Variants in TTI2 observed in about 807,000 individuals in gnomAD.
TTI2 encodes TELO2-interacting protein 2.
TTI2 carries 26 observed loss-of-function variants against 44.9 expected under a neutral mutation model. The ratio of observed to expected loss-of-function variants is 0.58; its 90% confidence interval spans 0.42 to 0.80. The LOEUF (loss-of-function observed/expected upper bound fraction) is 0.80, where lower values mean the gene tolerates loss of function less well. Among genes scored for constraint, TTI2 ranks in the 30% least tolerant of loss-of-function variants. The pLI, the probability that TTI2 is intolerant of heterozygous loss-of-function variation, is 0.00. For synonymous variants in TTI2, 254 were observed against 250.9 expected (o/e 1.01, Z -0.12); for missense variants, 582 against 611.6 (o/e 0.95, Z 0.51).
chr8:33,503,107 C>G (rs1163271682), intron 6 of TTI2, among the ~76,000 whole-genome samples: 1 of 138,314 alleles, frequency 7.2e-6, no homozygotes, highest in African/African-American at 2.8e-5. Context: ...CCAGCCTGGG[C>G]GACAGTGTGA....
At chr8:33,508,899 T>C (rs1809404348) in intron 3 of TTI2, among the ~76,000 whole-genome samples, 1 of 151,948 alleles carries the variant, frequency 6.6e-6, no homozygotes. Context: ...CCCAGCACTA[T>C]GGGAGCCCAA....
At position 33,499,136 on chromosome 8, in the gene TTI2, A is replaced by G. The variant is rs1355252685; in HGVS notation, c.*37T>C. 1 of 1,523,086 alleles carries G rather than the reference A, an allele frequency of 6.6e-7. No homozygotes were observed. Among genetic ancestry groups the G allele is most frequent in the Admixed American group, 1.7e-5 (1 of 59,786 alleles). The allele number at this position is 1,523,086 out of a possible 1,614,324, so 94.3% of individuals were successfully genotyped here. ...CTCCATTCATACAAATTGGGATGGGAAGAAAATCCTTTCCTCTTGGGAAAG... is the reference window on the plus strand; with the variant it reads ...CTCCATTCATACAAATTGGGATGGGGAGAAAATCCTTTCCTCTTGGGAAAG... On this transcript the variant is annotated 3_prime_UTR_variant, in exon 8 of 8. Transcript: ENST00000431156.
Position 33,512,649 on chromosome 8 carries a change from C to A in TTI2, c.-36G>T. 1 of 1,607,998 alleles carries A rather than the reference C, an allele frequency of 6.2e-7. No individual in the cohort carries two copies. The highest frequency in any genetic ancestry group is 8.5e-7 in the Non-Finnish European group (1 of 1,179,612). On this transcript the variant is annotated 5_prime_UTR_variant, in exon 2 of 8. Transcript: ENST00000431156. ...AGCACCAGAAGGCTGGTCTCTCCCA[C>A]AGAACGAGGATGGAGGCGGGGAGGG...
intron 6 of TTI2, chr8:33,501,295 A>G (rs149327382): frequency 2.0e-5 from 3 of 152,104 alleles, no homozygotes; most frequent in East Asian, 3.8e-4. Context: ...TTTCATCTCT[A>G]TCTAAATACT....
At position 33,512,252 on chromosome 8, in the gene TTI2, A is replaced by G. The variant is rs757689349; in HGVS notation, c.362T>C (p.Leu121Pro). 1 of 1,614,072 alleles carries G rather than the reference A, an allele frequency of 6.2e-7. No homozygotes were observed. Among genetic ancestry groups the G allele is most frequent in the Non-Finnish European group, 8.5e-7 (1 of 1,180,042 alleles). Reference sequence around the variant, plus strand: ...AGTCTCAACTTTCCCTAACAGTTTAAGAAACAGTAACCCAACTTGGGCTGC... The same window carrying G: ...AGTCTCAACTTTCCCTAACAGTTTAGGAAACAGTAACCCAACTTGGGCTGC... ...EKAAQVGLLF[L>P]KLLGKVETAK... is the part of the protein sequence containing the mutation. The change falls in exon 2 of 8, where the codon CTT (leucine) becomes CCT (proline). Residue 121 changes from leucine to proline, a missense_variant. Leu to Pro is a moderately conservative substitution (Grantham distance 98, BLOSUM62 -3). Coordinates refer to ENST00000431156, the MANE Select transcript of TTI2 (RefSeq NM_001102401.4).
At chr8:33,504,419 C>T (rs916247003) in intron 4 of TTI2, among the ~76,000 whole-genome samples, 27 of 150,124 alleles carry the variant, frequency 1.8e-4, no homozygotes, top group Non-Finnish European at 3.7e-4. Flanking sequence ...GCCTCAGCCA[C>T]CTAACTAGTT....
chr8:33,500,834 T>C, intron 6 of TTI2: 2 of 225,936 alleles, frequency 8.9e-6, no homozygotes, highest in South Asian at 1.3e-4. Flanking sequence ...TTTTCAACTC[T>C]ATTAACTGAA....
intron 5 of TTI2, 23 bp downstream of exon 5, chr8:33,503,725 T>C: frequency 1.2e-6 from 2 of 1,611,698 alleles, no homozygotes; most frequent in South Asian, 2.2e-5. Context: ...AAAATAATAA[T>C]AAATAAAAGC....
At chr8:33,509,979 C>CAAAAAAAAAA in intron 2 of TTI2, 47 bp from the exon 3 acceptor site, 9 of 416,694 alleles carry the variant, frequency 2.2e-5, no homozygotes, top group East Asian at 4.9e-5. Flanking sequence ...TGATAAGTAG[C>CAAAAAAAAAA]AAAAAAAAAA....
Position 33,503,542 on chromosome 8 carries a change from C to G in TTI2, c.1146G>C (p.Lys382Asn). ...AACCAATGATGACTCTCTCCAGCCT[C>G]TTTAAGTGCCGGACAGTTAGGATCC... ...RLGILTVRHL[K>N]RLERVIIGYL... Residue 382 changes from lysine (K) to asparagine (N), a missense_variant, in exon 6 of 8, where the codon AAG becomes AAC. Transcript: ENST00000431156. 6.2e-7 allele frequency: 1 copy of G among 1,614,072 alleles called. No individual in the cohort carries two copies. The highest frequency in any genetic ancestry group is 8.5e-7 in the Non-Finnish European group (1 of 1,180,032).
At chr8:33,499,523 A>C in intron 7 of TTI2, 1 of 404,758 alleles carries the variant, frequency 2.5e-6, no homozygotes, top group Non-Finnish European at 4.5e-6. Flanking sequence ...CTGCTGGCTC[A>C]TGAAACAGCA....
rs1182899346 is a variant in TTI2 at position 33,498,853 on chromosome 8, T to G, written c.*320A>C. ...TGTTTTTATAGCATATGTGTTGAAG[T>G]AACAGCTTGTGCCCGAGAAACTTAA... is the stretch of plus-strand genomic sequence containing the variant. On this transcript the variant is annotated 3_prime_UTR_variant, in exon 8 of 8. Coordinates refer to ENST00000431156, the MANE Select transcript of TTI2 (RefSeq NM_001102401.4). 2.5e-5 allele frequency: 15 copies of G among 591,716 alleles called. No homozygotes were observed. The highest frequency in any genetic ancestry group is 4.2e-5 in the Non-Finnish European group (14 of 337,210). The allele number at this position is 591,716 out of a possible 1,614,324, so 36.7% of individuals were successfully genotyped here. A position where few individuals can be genotyped will look rare whatever the true frequency, so the allele number is the denominator to read the frequency against.
In TTI2 at chr8:33,512,379, G is replaced by C. The variant is rs749016959; in HGVS notation, c.235C>G (p.Pro79Ala). 2 of 1,614,158 alleles carry C rather than the reference G, an allele frequency of 1.2e-6. No homozygotes were observed. Among genetic ancestry groups the C allele is most frequent in the South Asian group, 2.2e-5 (2 of 91,072 alleles). Residue 79 changes from proline (P) to alanine (A), a missense_variant, in exon 2 of 8, where the codon CCG becomes GCG. Physicochemically the swap from Pro to Ala is conservative, Grantham distance 27 (BLOSUM62 -1). Coordinates refer to ENST00000431156, the MANE Select transcript of TTI2 (RefSeq NM_001102401.4). ...TTTGCTACCTGCCCCAGTGTCTCCG[G>C]CATTCCGCGGAGCCGTGCACCAGTC... ...EGTGARLRGM[P>A]ETLGQVAKAL...
Position 33,499,266 on chromosome 8 carries a change from G to T in TTI2, c.1434C>A (p.Ala478=). ...TGTCTTCACAGCTTTGGGGAATTTT[G>T]GCCAGGAGACCCTGAAACATGAAAC... ...CSQGRVKGLL[A]KIPQSCEDRK... is the part of the protein sequence containing the mutation. The change falls in exon 8 of 8, where the codon GCC becomes GCA. Residue 478 remains alanine (A), a synonymous_variant. Coordinates refer to ENST00000431156, the MANE Select transcript of TTI2 (RefSeq NM_001102401.4). The T allele has an allele frequency of 1.2e-6, 2 of 1,612,892 alleles. No homozygotes were observed. Among genetic ancestry groups the T allele is most frequent in the African/African-American group, 1.3e-5 (1 of 74,712 alleles).
chr8:33,503,872 C>G lies in TTI2; in HGVS notation c.991G>C (p.Asp331His), dbSNP rs1809198053. ...ILEKTLHWKG[D>H]GARPTTHCDE... ...CAATGGGTGGTGGGTCGAGCTCCAT[C>G]TCCTTTCCAGTGCAGGGTTTTCTCC... Residue 331 changes from aspartate (D) to histidine (H), a missense_variant, in exon 5 of 8, where the codon GAT becomes CAT. Asp to His is a moderately conservative substitution (Grantham distance 81). Coordinates refer to ENST00000431156, the MANE Select transcript of TTI2 (RefSeq NM_001102401.4). 8.7e-6 allele frequency: 14 copies of G among 1,614,152 alleles called. No individual in the cohort carries two copies. Among genetic ancestry groups the G allele is most frequent in the Non-Finnish European group, 1.2e-5 (14 of 1,180,040 alleles).
intron 6 of TTI2, chr8:33,500,747 C>T (rs1055338195): frequency 2.3e-6 from 1 of 433,932 alleles, no homozygotes; most frequent in African/African-American, 2.0e-5. Context: ...AAGCTTGGTT[C>T]TACTGTAAGC....
At chr8:33,511,865 G>A in intron 2 of TTI2, 102 bp downstream of exon 2, 1 of 1,356,114 alleles carries the variant, frequency 7.4e-7, no homozygotes, top group Non-Finnish European at 1.0e-6. Context: ...CTCCACCCTG[G>A]GCAACAAGAG....
chr8:33,508,596 C>T (rs974786298), intron 3 of TTI2, among the ~76,000 whole-genome samples: 6 of 114,478 alleles, frequency 5.2e-5, no homozygotes, highest in Admixed American at 1.2e-4. Flanking sequence ...CCAGCGTAAG[C>T]GACAGAGCAA....
chr8:33,504,993 C>T (rs192658787), intron 4 of TTI2, among the ~76,000 whole-genome samples: 17 of 152,246 alleles, frequency 1.1e-4, no homozygotes, highest in African/African-American at 3.4e-4. Context: ...GAAGCCAAGG[C>T]GGGCGGATCA....
Sources: allele counts gnomAD v4.1 joint callset (sites outside exome capture counted in the v4.1 genomes callset), GRCh38; gene constraint gnomAD v4.1.1; transcripts MANE v1.5; gene names NCBI Gene and HGNC (gene_info 2026-07-23, HGNC 2026-07-21).